The following KRABD3 variants were observed in gnomAD, a reference collection of about 807,000 sequenced individuals.
KRABD3 encodes the protein KRAB domain-containing protein 3.
At chr7:149,725,411 C>G in the KRABD3 span, 1 of 1,611,814 alleles carries the variant, frequency 6.2e-7, no homozygotes, top group Non-Finnish European at 8.5e-7. Flanking sequence ...CCACCCACTT[C>G]TTGTTCCCAG....
the KRABD3 span, chr7:149,725,455 C>A: frequency 6.2e-7 from 1 of 1,612,030 alleles, no homozygotes; most frequent in South Asian, 1.1e-5. Context: ...GTCTCAGAAG[C>A]CTGAACTGCA....
the KRABD3 span, chr7:149,729,248 C>T: frequency 6.2e-7 from 1 of 1,602,560 alleles, no homozygotes; most frequent in East Asian, 2.3e-5. Context: ...GAAGCGCCCA[C>T]CCGGAGCCTC....
the KRABD3 span, chr7:149,722,105 C>G: frequency 4.6e-6 from 2 of 436,338 alleles, no homozygotes; most frequent in South Asian, 4.3e-5. Flanking sequence ...CTCTGGGGTT[C>G]TGTGTGCCCT....
At chr7:149,731,709 GA>G in the KRABD3 span, 1 of 1,612,310 alleles carries the variant, frequency 6.2e-7, no homozygotes, top group Non-Finnish European at 8.5e-7. Context: ...CTCAGCTGGA[GA>G]AAAGGCCCAG....
the KRABD3 span, among the ~76,000 whole-genome samples, chr7:149,728,237 G>T: frequency 6.6e-6 from 1 of 152,232 alleles, no homozygotes; most frequent in African/African-American, 2.4e-5. Context: ...ATCCCTCACG[G>T]TGGTGGCAGC....
the KRABD3 span, chr7:149,731,722 G>A: frequency 0.032 from 51,718 of 1,612,242 alleles, 1,037 homozygotes; most frequent in Admixed American, 0.049. Flanking sequence ...AAGGCCCAGG[G>A]TTAGTGAAGC....
the KRABD3 span, chr7:149,734,534 C>G: frequency 6.4e-6 from 1 of 155,050 alleles, no homozygotes; most frequent in African/African-American, 2.4e-5. Context: ...GCTGGACTTA[C>G]CTCTGTGGAT....
the KRABD3 span, chr7:149,724,657 G>C: frequency 6.5e-7 from 1 of 1,530,988 alleles, no homozygotes; most frequent in Non-Finnish European, 8.8e-7. Flanking sequence ...CGCAGGGCCT[G>C]GATACCTCCT....
the KRABD3 span, among the ~76,000 whole-genome samples, chr7:149,715,537 T>C: frequency 1.3e-5 from 2 of 152,210 alleles, no homozygotes; most frequent in African/African-American, 4.8e-5. Flanking sequence ...CCGTTTGGGC[T>C]AGGTTGTGTG....
the KRABD3 span, among the ~76,000 whole-genome samples, chr7:149,732,450 G>A: frequency 6.6e-6 from 1 of 152,174 alleles, no homozygotes; most frequent in Non-Finnish European, 1.5e-5. The surrounding 1 kb of genome is among the most constrained non-coding windows in gnomAD (Gnocchi z 4.0). Flanking sequence ...GCAGGGCAGA[G>A]CCACAGCTGG....
chr7:149,724,771 G>A, the KRABD3 span: 2 of 1,581,430 alleles, frequency 1.3e-6, no homozygotes, highest in Non-Finnish European at 8.6e-7. Context: ...CTGTCAGCCT[G>A]GCAGGCAGCC....
the KRABD3 span, chr7:149,723,010 A>G: frequency 1.5e-6 from 2 of 1,364,224 alleles, no homozygotes; most frequent in South Asian, 1.5e-5. Context: ...GCATTTCAAC[A>G]GCGATTCCTC....
the KRABD3 span, among the ~76,000 whole-genome samples, chr7:149,726,787 G>A: frequency 6.6e-6 from 1 of 152,006 alleles, no homozygotes; most frequent in Non-Finnish European, 1.5e-5. Flanking sequence ...CCTGTAGTCT[G>A]TAGTCCAGCT....
chr7:149,726,995 A>C, the KRABD3 span, among the ~76,000 whole-genome samples: 8 of 152,142 alleles, frequency 5.3e-5, no homozygotes, highest in African/African-American at 1.9e-4. Context: ...ACTGACCCCC[A>C]ACTTAGGAAA....
the KRABD3 span, chr7:149,729,368 A>C: frequency 6.1e-6 from 9 of 1,486,678 alleles, no homozygotes; most frequent in Non-Finnish European, 8.1e-6. Context: ...TGGCTCCCAG[A>C]GGGTGAGCTG....
the KRABD3 span, among the ~76,000 whole-genome samples, chr7:149,719,040 C>T: frequency 1.1e-4 from 16 of 152,214 alleles, no homozygotes; most frequent in Non-Finnish European, 2.2e-4. This position sits in a 1 kb window ranked among gnomAD's most constrained non-coding sequence, Gnocchi z 5.6. Flanking sequence ...CACAGCCCTG[C>T]AGACCCGAAG....
chr7:149,734,537 CT>C, the KRABD3 span: 1 of 154,666 alleles, frequency 6.5e-6, no homozygotes, highest in Non-Finnish European at 1.4e-5. Flanking sequence ...GGACTTACCT[CT>C]GTGGATTCTG....
the KRABD3 span, chr7:149,728,599 T>G: frequency 1.9e-6 from 3 of 1,613,768 alleles, no homozygotes; most frequent in Non-Finnish European, 2.5e-6. Flanking sequence ...TGCTGCGGCC[T>G]GCCTGGCCCT....
At chr7:149,728,453 CAG>C in the KRABD3 span, 70 of 1,545,336 alleles carry the variant, frequency 4.5e-5, no homozygotes, top group Non-Finnish European at 5.9e-5. Flanking sequence ...CAGCAGAAGA[CAG>C]GGGGCTTCTG....
Sources: gnomAD v4.1 joint callset for allele counts (sites outside exome capture counted in the v4.1 genomes callset) on GRCh38, gnomAD v4.1.1 for gene constraint, Gnocchi (gnomAD v3.1) non-coding constraint, MANE v1.5 for transcripts, NCBI Gene and HGNC (gene_info 2026-07-23, HGNC 2026-07-21) for gene names.